The following MYH2 variants were observed in gnomAD, a reference collection of about 807,000 sequenced individuals.
MYH2 encodes myosin-2.
MYH2 carries 139 observed loss-of-function variants against 228.1 expected under a neutral mutation model. The observed-to-expected ratio is 0.61, with a 90% confidence interval of 0.53 to 0.70. MYH2 has a LOEUF of 0.70. Among genes scored for constraint, MYH2 ranks in the 30% least tolerant of loss-of-function variants. The pLI, the probability that MYH2 is intolerant of heterozygous loss-of-function variation, is 0.00. For synonymous variants in MYH2, 796 were observed against 871.1 expected, an observed-to-expected ratio of 0.91 and a Z score of 1.52; for missense variants, 1,809 against 2,357.5, an observed-to-expected ratio of 0.77 and a Z score of 4.82.
chr17:10,527,495 C>T (rs983031885), intron 28 of MYH2, among the ~76,000 whole-genome samples: 3 of 152,146 alleles, frequency 2.0e-5, no homozygotes, highest in East Asian at 1.9e-4. Context: ...CTGGAGTAAC[C>T]GCTAATCCCA....
At chr17:10,543,246 T>G in intron 8 of MYH2, 85 bp from the exon 9 acceptor site, 1 of 1,010,588 alleles carries the variant, frequency 9.9e-7, no homozygotes, top group Non-Finnish European at 1.5e-6. Flanking sequence ...GCTGGTACTT[T>G]AATATTAAAT....
intron 10 of MYH2, among the ~76,000 whole-genome samples, chr17:10,542,470 TGGA>T (rs2073568939): frequency 6.6e-6 from 1 of 152,190 alleles, no homozygotes; most frequent in African/African-American, 2.4e-5. Context: ...AATAATGATG[TGGA>T]GCTATATTTA....
chr17:10,528,582 A>T, intron 27 of MYH2, 108 bp downstream of exon 27: 1 of 1,528,342 alleles, frequency 6.5e-7, no homozygotes, highest in Non-Finnish European at 9.0e-7. Context: ...TACTTCCCTG[A>T]ATTACTGCAG....
intron 2 of MYH2, 112 bp from the exon 3 acceptor site, chr17:10,548,052 T>A: frequency 1.1e-6 from 1 of 902,082 alleles, no homozygotes; most frequent in Non-Finnish European, 1.7e-6. Context: ...TAGACAGGTC[T>A]ACTGTTCACC....
chr17:10,543,244 T>TA, intron 8 of MYH2, 83 bp from the exon 9 acceptor site: 1 of 1,046,658 alleles, frequency 9.6e-7, no homozygotes, highest in South Asian at 1.5e-5. Flanking sequence ...ATGCTGGTAC[T>TA]TTAATATTAA....
rs1414108802 is a variant in MYH2, at chr17:10,532,908, C to T, written c.2441+377G>A. Among the ~76,000 whole-genome samples, 6 of 152,292 alleles carry T rather than the reference C, an allele frequency of 3.9e-5. No homozygotes were observed. The East Asian group carries it at 9.6e-4, about 24-fold the overall frequency. On this transcript the variant is annotated intron_variant, in intron 21 of 39. Coordinates refer to ENST00000245503, the MANE Select transcript of MYH2 (RefSeq NM_017534.6). ...AATGATCAGAGGGAAAAAGTTGTCT[C>T]TACAGCCTGTGTAAAAGCACTCTTG...
chr17:10,534,512 C>G (rs1734223018), intron 19 of MYH2, among the ~76,000 whole-genome samples: 1 of 152,142 alleles, frequency 6.6e-6, no homozygotes, highest in African/African-American at 2.4e-5. Flanking sequence ...TCAAAAAGGT[C>G]GTTCTTAATT....
Position 10,544,126 on chromosome 17 carries a change from G to A in MYH2, c.507C>T (p.Asp169=). 1.9e-6 allele frequency: 3 copies of A among 1,613,418 alleles called. No individual in the cohort carries two copies. Among genetic ancestry groups the A allele is most frequent in the Non-Finnish European group, 2.5e-6 (3 of 1,179,424 alleles). The change falls in exon 6 of 40, where the codon GAC becomes GAT. Residue 169 remains aspartate, a splice_region_variant and synonymous_variant. Coordinates refer to ENST00000245503, the MANE Select transcript of MYH2 (RefSeq NM_017534.6). ...TGATCAGGATTGACTGATTCTCTCGGTCTACAAAAGAAATTATAGACATTT... is the reference window on the plus strand; with the variant it reads ...TGATCAGGATTGACTGATTCTCTCGATCTACAAAAGAAATTATAGACATTT... The part of the protein sequence containing the change: ...SDNAYQFMLT[D]RENQSILITG...
At chr17:10,539,907 T>C (rs1434916617) in intron 12 of MYH2, 21 bp downstream of exon 12, 11 of 1,613,942 alleles carry the variant, frequency 6.8e-6, no homozygotes, top group Non-Finnish European at 9.3e-6. Context: ...TGCAAAATCA[T>C]GGGAGTGACT....
At chr17:10,539,600 C>T (rs560825625) in intron 12 of MYH2, 38 bp from the exon 13 acceptor site, 2 of 1,548,472 alleles carry the variant, frequency 1.3e-6, no homozygotes, top group African/African-American at 1.4e-5. Flanking sequence ...TTATTGTGGC[C>T]CAAAGAAACC....
At chr17:10,533,770 G>C in intron 19 of MYH2, 138 bp from the exon 20 acceptor site, 1 of 1,263,344 alleles carries the variant, frequency 7.9e-7, no homozygotes, top group Non-Finnish European at 1.1e-6. Context: ...TTGTTTATTT[G>C]AATGGTCAAC....
intron 27 of MYH2, 45 bp from the exon 28 acceptor site, chr17:10,527,919 G>T (rs756758481): frequency 1.3e-5 from 21 of 1,596,482 alleles, no homozygotes; most frequent in South Asian, 2.2e-5. Flanking sequence ...CCTTTTAAGC[G>T]AATAATAATC....
chr17:10,549,239 C>G (rs2073671580), intron 2 of MYH2, 136 bp downstream of exon 2: 1 of 152,626 alleles, frequency 6.6e-6, no homozygotes, highest in Non-Finnish European at 1.5e-5. Flanking sequence ...TCCTCCCTTT[C>G]TCACCGCTTT....
rs760241720 is a variant in MYH2, at chr17:10,526,633, C to T, written c.4153G>A (p.Ala1385Thr). ...AQWRTKYETD[A>T]IQRTEELEEA... ...TCCAGCTCCTCTGTGCGCTGGATGG[C>T]GTCCGTCTCGTATTTGGTCCTCCAT... is the stretch of plus-strand genomic sequence containing the variant. The change falls in exon 30 of 40, where the codon GCC (alanine) becomes ACC (threonine). Residue 1385 changes from alanine to threonine, a missense_variant. Physicochemically the swap from Ala to Thr is moderately conservative, Grantham distance 58 (BLOSUM62 0). Coordinates refer to ENST00000245503, the MANE Select transcript of MYH2 (RefSeq NM_017534.6). The T allele has an allele frequency of 3.7e-6, 6 of 1,613,880 alleles. No individual in the cohort carries two copies. In the Admixed American group the frequency reaches 6.7e-5, roughly 18 times the overall value.
At chr17:10,533,696 TA>T (rs777233219) in intron 19 of MYH2, 64 bp from the exon 20 acceptor site, 193 of 1,556,852 alleles carry the variant, frequency 1.2e-4, no homozygotes, top group Non-Finnish European at 1.6e-4. Flanking sequence ...AGCTAAACAT[TA>T]AATGATTCAT....
In MYH2 at chr17:10,544,136, G is replaced by C. The variant is rs1214991047; in HGVS notation, c.506-9C>G. The stretch of plus-strand genomic sequence containing the variant: ...TGACTGATTCTCTCGGTCTACAAAA[G>C]AAATTATAGACATTTAATACTGTTT... On this transcript the variant is annotated splice_polypyrimidine_tract_variant and intron_variant, in intron 5 of 39. Transcript: ENST00000245503. 6.2e-7 allele frequency: 1 copy of C among 1,612,078 alleles called. No homozygotes were observed. Among genetic ancestry groups the C allele is most frequent in the African/African-American group, 1.3e-5 (1 of 74,972 alleles).
Position 10,537,506 on chromosome 17 carries a change from T to C in MYH2, c.1624A>G (p.Met542Val), listed in dbSNP as rs1207854150. 5 of 1,614,084 alleles carry C rather than the reference T, an allele frequency of 3.1e-6. No individual in the cohort carries two copies. Among genetic ancestry groups the C allele is most frequent in the Non-Finnish European group, 3.4e-6 (4 of 1,180,032 alleles). The change falls in exon 16 of 40, where the codon ATG (methionine) becomes GTG (valine). Residue 542 changes from methionine to valine, a missense_variant. Physicochemically the swap from Met to Val is conservative, Grantham distance 21 (BLOSUM62 1). Transcript: ENST00000245503. The surrounding 1 kb of genome is among the most constrained non-coding windows in gnomAD (Gnocchi z 4.0). ...GIFSILEEEC[M>V]FPKATDTSFK... ...GAGGTGTCTGTTGCCTTAGGGAACA[T>C]GCACTCCTCTTCCAGGATGGAGAAG... is the stretch of plus-strand genomic sequence containing the variant.
In MYH2 at chr17:10,545,242, A is replaced by T. The variant is rs539455862; in HGVS notation, c.505+104T>A. ...CTTCATAAATACACCAGCCTCAACT[A>T]AAAGGGACGATCTCAAGGAATGTGT... On this transcript the variant is annotated intron_variant, in intron 5 of 39. Coordinates refer to ENST00000245503, the MANE Select transcript of MYH2 (RefSeq NM_017534.6). The T allele has an allele frequency of 8.1e-6, 13 of 1,601,572 alleles. No homozygotes were observed. The South Asian group carries it at 1.3e-4, about 16-fold the overall frequency.
Position 10,545,365 on chromosome 17 carries a change from G to C in MYH2, c.486C>G (p.Ala162=). The C allele has an allele frequency of 1.2e-6, 2 of 1,613,780 alleles. No homozygotes were observed. The highest frequency in any genetic ancestry group is 1.7e-6 in the Non-Finnish European group (2 of 1,179,932). ...PPHIFSISDN[A]YQFMLTDREN... The stretch of plus-strand genomic sequence containing the variant: ...ACTCACCAGTCAGCATGAACTGATA[G>C]GCGTTGTCAGAGATGGAGAAGATGT... The change falls in exon 5 of 40, where the codon GCC becomes GCG. Residue 162 remains alanine, a synonymous_variant. Coordinates refer to ENST00000245503, the MANE Select transcript of MYH2 (RefSeq NM_017534.6).
Sources: allele counts gnomAD v4.1 joint callset (sites outside exome capture counted in the v4.1 genomes callset), GRCh38; gene constraint gnomAD v4.1.1; non-coding constraint Gnocchi (gnomAD v3.1); transcripts MANE v1.5; gene names NCBI Gene and HGNC (gene_info 2026-07-23, HGNC 2026-07-21).